The following PKIA variants were observed in gnomAD, a reference collection of about 807,000 sequenced individuals.
PKIA encodes the protein PKI-alpha.
In PKIA, 4 loss-of-function variants were observed where a neutral mutation model predicts 7.6. The ratio of observed to expected loss-of-function variants is 0.52; its 90% CI spans 0.26 to 1.20. The LOEUF (loss-of-function observed/expected upper bound fraction) is 1.20, where lower values mean the gene tolerates loss of function less well. Among genes scored for constraint, PKIA ranks in the 50% most tolerant of loss-of-function variants. The pLI, the probability that PKIA is intolerant of heterozygous loss-of-function variation, is 0.13. For synonymous variants in PKIA, 21 were observed against 30.7 expected (o/e 0.68, Z 1.04); for missense variants, 73 against 86.2 (o/e 0.85, Z 0.61).
chr8:78,600,849 C>G (rs1163241881), intron 3 of PKIA, among the ~76,000 whole-genome samples: 4 of 151,924 alleles, frequency 2.6e-5, no homozygotes, highest in Non-Finnish European at 5.9e-5. Flanking sequence ...CATTATGGTC[C>G]AAAGAATAGG....
intron 1 of PKIA, among the ~76,000 whole-genome samples, chr8:78,559,371 A>G (rs973555322): frequency 6.6e-6 from 1 of 152,170 alleles, no homozygotes; most frequent in African/African-American, 2.4e-5. Flanking sequence ...GAGAGAAGGG[A>G]TGGGCAGTGG....
intron 1 of PKIA, among the ~76,000 whole-genome samples, chr8:78,549,438 G>A (rs1027430637): frequency 1.3e-5 from 2 of 151,966 alleles, no homozygotes; most frequent in Middle Eastern, 3.4e-3. Flanking sequence ...AACTTTTACA[G>A]CAATCTTTAG....
At chr8:78,525,397 C>T (rs1809523038) in intron 1 of PKIA, among the ~76,000 whole-genome samples, 1 of 151,788 alleles carries the variant, frequency 6.6e-6, no homozygotes, top group Admixed American at 6.6e-5. Context: ...AGATAGTGGG[C>T]CTGTCACATC....
At chr8:78,579,648 C>T (rs1807760376) in intron 2 of PKIA, among the ~76,000 whole-genome samples, 1 of 152,004 alleles carries the variant, frequency 6.6e-6, no homozygotes, top group South Asian at 2.1e-4. Flanking sequence ...ACACGTTTAG[C>T]AATGAGCAAG....
intron 1 of PKIA, among the ~76,000 whole-genome samples, chr8:78,532,839 C>T (rs1187674340): frequency 6.6e-6 from 1 of 151,552 alleles, no homozygotes; most frequent in South Asian, 2.1e-4. Context: ...CACTTGAACC[C>T]GACAGGTAGA....
Position 78,522,582 on chromosome 8 carries a change from C to T in PKIA, c.-157+6114C>T, listed in dbSNP as rs148760011. Among the ~76,000 whole-genome samples the T allele has an allele frequency of 3.3e-5, 5 of 151,976 alleles. No homozygotes were observed. The East Asian group carries it at 9.7e-4, about 29-fold the overall frequency. ...AACATGATCCGAGCAAAGAAATATTCTCTCTTTTTTCATTTCCAGTTCATG... is the reference window on the plus strand; with the variant it reads ...AACATGATCCGAGCAAAGAAATATTTTCTCTTTTTTCATTTCCAGTTCATG... On this transcript the variant is annotated intron_variant, in intron 1 of 3. Coordinates refer to ENST00000396418, the MANE Select transcript of PKIA (RefSeq NM_006823.4).
chr8:78,579,846 G>A (rs1807765701), intron 2 of PKIA, among the ~76,000 whole-genome samples: 2 of 151,970 alleles, frequency 1.3e-5, no homozygotes, highest in African/African-American at 4.8e-5. Context: ...AGATGGCCTG[G>A]GGACATCCCT....
intron 2 of PKIA, among the ~76,000 whole-genome samples, chr8:78,582,772 A>C (rs1345659444): frequency 6.6e-6 from 1 of 152,106 alleles, no homozygotes. Context: ...GATCATAAGG[A>C]ACTTTCACAC....
At chr8:78,573,198 G>A (rs1449375009) in intron 2 of PKIA, among the ~76,000 whole-genome samples, 1 of 152,024 alleles carries the variant, frequency 6.6e-6, no homozygotes, top group Non-Finnish European at 1.5e-5. Flanking sequence ...TTTAATCCCA[G>A]GAGGTTAGGC....
intron 1 of PKIA, among the ~76,000 whole-genome samples, chr8:78,544,432 A>C (rs185384486): frequency 4.1e-4 from 62 of 152,180 alleles, no homozygotes; most frequent in African/African-American, 1.5e-3. Flanking sequence ...TGTCCTTCTC[A>C]TGGGTTCACC....
rs1323988498 is a variant in PKIA at position 78,569,930 on chromosome 8, CAGATAAATAGAATTTACCAAAT to C, written c.-156-2864_-156-2843del. On this transcript the variant is annotated intron_variant, in intron 1 of 3. Coordinates refer to ENST00000396418, the MANE Select transcript of PKIA (RefSeq NM_006823.4). ...AGCATAGGATCAGTGACCTCAAGAA[CAGATAAATAGAATTTACCAAAT>C]AGATAAATAGAATTTATCAAACTTG... Among the ~76,000 whole-genome samples the C allele has an allele frequency of 1.1e-4, 17 of 152,062 alleles. No individual in the cohort carries two copies. The South Asian group carries it at 1.5e-3, about 13-fold the overall frequency.
chr8:78,586,624 A>G (rs904580837), intron 2 of PKIA, among the ~76,000 whole-genome samples: 1 of 152,220 alleles, frequency 6.6e-6, no homozygotes, highest in Non-Finnish European at 1.5e-5. Context: ...AGGAGATCAT[A>G]ATATTCAAAA....
chr8:78,547,191 C>T (rs1806845997), intron 1 of PKIA, among the ~76,000 whole-genome samples: 1 of 152,152 alleles, frequency 6.6e-6, no homozygotes, highest in Non-Finnish European at 1.5e-5. Context: ...TCAATGCAAC[C>T]TCTGCCTCCC....
chr8:78,521,713 A>T (rs1809420496), intron 1 of PKIA, among the ~76,000 whole-genome samples: 1 of 151,718 alleles, frequency 6.6e-6, no homozygotes. Flanking sequence ...TATAATTAAA[A>T]TTTTTTTTCT....
chr8:78,550,853 A>C (rs922973445), intron 1 of PKIA, among the ~76,000 whole-genome samples: 5 of 151,954 alleles, frequency 3.3e-5, no homozygotes, highest in African/African-American at 1.2e-4. Context: ...TCATTGTATC[A>C]TTCTTATGCC....
intron 1 of PKIA, among the ~76,000 whole-genome samples, chr8:78,571,989 T>G (rs549919729): frequency 6.6e-6 from 1 of 151,298 alleles, no homozygotes; most frequent in Middle Eastern, 3.4e-3. Context: ...GTCATTTGTT[T>G]TCCATAAATG....
At position 78,598,089 on chromosome 8, in the gene PKIA, T is replaced by A. The variant is rs140043503; in HGVS notation, c.-27-269T>A. 5.4e-4 allele frequency among the ~76,000 whole-genome samples: 80 copies of A among 147,956 alleles called. No homozygotes were observed. In the East Asian group the frequency reaches 0.012, roughly 23 times the overall value. ...AATATGTATTATTAATTATTAATAA[T>A]AATTAATATTATTACATTTAATATT... On this transcript the variant is annotated intron_variant, in intron 2 of 3. Coordinates refer to ENST00000396418, the MANE Select transcript of PKIA (RefSeq NM_006823.4).
At chr8:78,561,246 G>A (rs1319208127) in intron 1 of PKIA, among the ~76,000 whole-genome samples, 3 of 152,004 alleles carry the variant, frequency 2.0e-5, no homozygotes, top group Admixed American at 6.6e-5. Context: ...ACTACATATA[G>A]GTGCCACTGT....
intron 1 of PKIA, among the ~76,000 whole-genome samples, chr8:78,572,536 TGCAC>T (rs201431424): frequency 0.024 from 2,921 of 121,180 alleles, 89 homozygotes; most frequent in African/African-American, 0.096. Flanking sequence ...CAAAAAAAGC[TGCAC>T]GCACACACAC....
Sources: gnomAD v4.1 joint callset for allele counts (sites outside exome capture counted in the v4.1 genomes callset) on GRCh38, gnomAD v4.1.1 for gene constraint, MANE v1.5 for transcripts, NCBI Gene and HGNC (gene_info 2026-07-23, HGNC 2026-07-21) for gene names.